Variants in NFATC2 observed in about 807,000 individuals in gnomAD.
The protein encoded by NFATC2 is nuclear factor of activated T-cells, cytoplasmic 2.
A neutral mutation model predicts 87.3 loss-of-function variants in NFATC2; 22 were observed. That is an observed-to-expected ratio of 0.25 (90% CI 0.18 to 0.36). The LOEUF (loss-of-function observed/expected upper bound fraction) is 0.36. Among genes scored for constraint, NFATC2 ranks in the 10% least tolerant of loss-of-function variants. The pLI, the probability that NFATC2 is intolerant of heterozygous loss-of-function variation, is 1.00. For synonymous variants in NFATC2, 565 were observed against 542.2 expected (o/e 1.04, Z -0.58); for missense variants, 1,149 against 1,259.1 (o/e 0.91, Z 1.32).
chr20:51,432,840 A>T lies in NFATC2; in HGVS notation c.2033-84T>A. 1 of 1,288,836 alleles carries T rather than the reference A, an allele frequency of 7.8e-7. No individual in the cohort carries two copies. Among genetic ancestry groups the T allele is most frequent in the Non-Finnish European group, 1.0e-6 (1 of 970,044 alleles). 79.8% of individuals were successfully genotyped at this position (1,288,836 alleles called of 1,614,324 possible). On this transcript the variant is annotated intron_variant, in intron 8 of 10. Transcript: ENST00000371564. This position sits in a 1 kb window ranked among gnomAD's most constrained non-coding sequence, Gnocchi z 4.6. ...GAGGATTCGTGGATGGTGCTTGAGA[A>T]CATGGCCTTGGGAGTCCATACGGGT...
At chr20:51,424,306 G>A (rs2146311556) in intron 9 of NFATC2, among the ~76,000 whole-genome samples, 1 of 152,266 alleles carries the variant, frequency 6.6e-6, no homozygotes, top group African/African-American at 2.4e-5. Flanking sequence ...TGAGAATTCA[G>A]GCCAAGAGTC....
At position 51,516,828 on chromosome 20, in the gene NFATC2, G is replaced by A. The variant is rs1305798984; in HGVS notation, c.1288C>T (p.Arg430Ter). 1 of 1,613,438 alleles carries A rather than the reference G, an allele frequency of 6.2e-7. No individual in the cohort carries two copies. Among genetic ancestry groups the A allele is most frequent in the Non-Finnish European group, 8.5e-7 (1 of 1,179,620 alleles). The change falls in exon 3 of 11, where the codon CGA becomes TGA. Residue 430 changes from arginine (R) to a stop codon, truncating the protein, a stop_gained. Coordinates refer to ENST00000371564, the MANE Select transcript of NFATC2 (RefSeq NM_012340.5). LOFTEE classifies it high-confidence loss of function. The part of the protein sequence containing the change: ...HRAHYETEGS[R>*]GAVKAPTGGH... ...CCAGTTGGAGCTTTGACAGCCCCTC[G>A]GCTGCCTTCTGTCTCATAGTGGGCC...
At chr20:51,459,864 G>A (rs1986963101) in intron 5 of NFATC2, among the ~76,000 whole-genome samples, 1 of 152,002 alleles carries the variant, frequency 6.6e-6, no homozygotes, top group South Asian at 2.1e-4. Flanking sequence ...GGGCAATAAA[G>A]CAAGACTTCA....
chr20:51,541,109 A>T (rs1213068783), intron 1 of NFATC2, among the ~76,000 whole-genome samples: 1 of 152,076 alleles, frequency 6.6e-6, no homozygotes, highest in Non-Finnish European at 1.5e-5. Flanking sequence ...GCTAAAGCAA[A>T]CCCCTCACCT....
intron 3 of NFATC2, among the ~76,000 whole-genome samples, chr20:51,481,455 T>C (rs534335506): frequency 6.6e-6 from 1 of 151,928 alleles, no homozygotes; most frequent in East Asian, 1.9e-4. Flanking sequence ...GTCACTGGCC[T>C]CCCGAGCAAA....
chr20:51,448,750 A>G (rs1022751760), intron 6 of NFATC2, among the ~76,000 whole-genome samples: 10 of 152,248 alleles, frequency 6.6e-5, no homozygotes, highest in African/African-American at 1.4e-4. Context: ...GTGTTTGAGG[A>G]CAGAGGGAAG....
intron 10 of NFATC2, among the ~76,000 whole-genome samples, chr20:51,398,017 C>G (rs559865941): frequency 3.3e-5 from 5 of 152,242 alleles, no homozygotes; most frequent in Non-Finnish European, 5.9e-5. Flanking sequence ...GGAGGCCCAT[C>G]GAGGTGGATC....
chr20:51,555,629 C>T (rs1248039634), intron 1 of NFATC2, among the ~76,000 whole-genome samples: 4 of 152,002 alleles, frequency 2.6e-5, no homozygotes, highest in East Asian at 1.9e-4. Flanking sequence ...TCCTGTCCCA[C>T]GATCTTGTCT....
chr20:51,399,953 A>G (rs1206267176), intron 9 of NFATC2, among the ~76,000 whole-genome samples: 1 of 152,190 alleles, frequency 6.6e-6, no homozygotes, highest in African/African-American at 2.4e-5. Context: ...CAAACTTCAC[A>G]GGGCCAAAAC....
Position 51,432,529 on chromosome 20 carries a change from G to A in NFATC2, c.2260C>T (p.Arg754Trp), listed in dbSNP as rs1387387825. Residue 754 changes from arginine (R) to tryptophan (W), a missense_variant, in exon 9 of 11, where the codon CGG (arginine) becomes TGG (tryptophan). By Grantham distance (101) the Arg-to-Trp change is moderately radical. This residue lies in a region of NFATC2 where 581 missense variants were observed against 649.7 expected (regional missense o/e 0.89). Transcript: ENST00000371564. The surrounding 1 kb of genome is among the most constrained non-coding windows in gnomAD (Gnocchi z 4.6). ...QQNPAAVLYQ[R>W]SKSLSPSLLG... The stretch of plus-strand genomic sequence containing the variant: ...AGGCTGGGGCTCAGGCTCTTGCTCC[G>A]CTGGTAGAGTACGGCCGCTGGGTTC... 7.7e-6 allele frequency: 12 copies of A among 1,554,988 alleles called. No individual in the cohort carries two copies. Among genetic ancestry groups the A allele is most frequent in the Middle Eastern group, 1.7e-4 (1 of 5,734 alleles).
intron 3 of NFATC2, among the ~76,000 whole-genome samples, chr20:51,487,544 G>A (rs6063655): frequency 0.43 from 65,061 of 152,082 alleles, 16,094 homozygotes; most frequent in Admixed American, 0.58. Flanking sequence ...GTTCAGCTTT[G>A]AAAAAATGTT....
intron 6 of NFATC2, among the ~76,000 whole-genome samples, chr20:51,444,630 G>A (rs542038192): frequency 1.5e-3 from 234 of 152,290 alleles, no homozygotes; most frequent in Middle Eastern, 3.4e-3. Flanking sequence ...GGCTCGAGGC[G>A]AATGGGGAGG....
At chr20:51,454,086 C>T (rs6096437) in intron 6 of NFATC2, among the ~76,000 whole-genome samples, 21,164 of 152,150 alleles carry the variant, frequency 0.14, 1,714 homozygotes, top group African/African-American at 0.21. Flanking sequence ...CATTTAACCT[C>T]CATGACAACT....
intron 3 of NFATC2, among the ~76,000 whole-genome samples, chr20:51,486,879 A>C (rs561017099): frequency 6.6e-6 from 1 of 152,162 alleles, no homozygotes; most frequent in East Asian, 1.9e-4. Flanking sequence ...TGAAAGAGAC[A>C]TATTATACCA....
Position 51,432,636 on chromosome 20 carries a change from G to T in NFATC2, c.2153C>A (p.Pro718His). ...YPQHPMVAES[P>H]SCLVATMAPC... ...AGCCATGGTGGCCACGAGGCAGGAG[G>T]GGGACTCGGCCACCATCGGGTGCTG... The change falls in exon 9 of 11, where the codon CCC (proline) becomes CAC (histidine). Residue 718 changes from proline (P) to histidine (H), a missense_variant. By Grantham distance (77) the Pro-to-His change is moderately conservative. Transcript: ENST00000371564. This position sits in a 1 kb window ranked among gnomAD's most constrained non-coding sequence, Gnocchi z 4.6. The T allele has an allele frequency of 1.3e-6, 2 of 1,539,258 alleles. No individual in the cohort carries two copies. The highest frequency in any genetic ancestry group is 1.3e-5 in the South Asian group (1 of 79,244).
At chr20:51,560,895 G>A (rs531941789) in intron 1 of NFATC2, among the ~76,000 whole-genome samples, 38 of 152,178 alleles carry the variant, frequency 2.5e-4, no homozygotes, top group African/African-American at 7.9e-4. Flanking sequence ...AATAAAATTC[G>A]AGGCTTGTGT....
intron 3 of NFATC2, among the ~76,000 whole-genome samples, chr20:51,500,955 C>T (rs530492000): frequency 6.9e-6 from 1 of 145,384 alleles, no homozygotes; most frequent in South Asian, 2.3e-4. Flanking sequence ...CTAGCAGAAA[C>T]ACCTTTCTTG....
chr20:51,481,740 C>G (rs1989277058), intron 3 of NFATC2, among the ~76,000 whole-genome samples: 1 of 152,040 alleles, frequency 6.6e-6, no homozygotes. Flanking sequence ...CACTCTGTCC[C>G]CTTGTCAACT....
Position 51,387,333 on chromosome 20 carries a change from C to T in NFATC2, c.*4163G>A, listed in dbSNP as rs1985874192. On this transcript the variant is annotated 3_prime_UTR_variant, in exon 11 of 11. Transcript: ENST00000371564. ...CTAATGGAAACAACATCATTTGCATCCATTCCATTCAAAGCTTGAACTCAG... is the reference window on the plus strand; with the variant it reads ...CTAATGGAAACAACATCATTTGCATTCATTCCATTCAAAGCTTGAACTCAG... 6.6e-6 allele frequency: 1 copy of T among 152,326 alleles called. No homozygotes were observed. Among genetic ancestry groups the T allele is most frequent in the Middle Eastern group, 3.4e-3 (1 of 296 alleles). 9.4% of individuals were successfully genotyped at this position (152,326 alleles called of 1,614,324 possible).
Sources: allele counts gnomAD v4.1 joint callset (sites outside exome capture counted in the v4.1 genomes callset), GRCh38; gene constraint gnomAD v4.1.1; regional missense constraint gnomAD v4.1.1; non-coding constraint Gnocchi (gnomAD v3.1); transcripts MANE v1.5; gene names NCBI Gene and HGNC (gene_info 2026-07-23, HGNC 2026-07-21).